Variants in DAPK2 observed in about 807,000 individuals in gnomAD.
DAPK2 encodes death-associated protein kinase 2.
DAPK2 carries 35 observed loss-of-function variants against 44.1 expected under a neutral mutation model. The observed-to-expected ratio is 0.79, with a 90% CI of 0.61 to 1.05. DAPK2 has a LOEUF of 1.05. Among genes scored for constraint, DAPK2 ranks in the 50% least tolerant of loss-of-function variants. The pLI, the probability that DAPK2 is intolerant of heterozygous loss-of-function variation, is 0.00. For synonymous variants in DAPK2, 174 were observed against 182.6 expected (o/e 0.95, Z 0.38); for missense variants, 453 against 483.2 (o/e 0.94, Z 0.59).
chr15:64,034,096 C>T (rs1032700578), intron 1 of DAPK2, among the ~76,000 whole-genome samples: 1 of 152,062 alleles, frequency 6.6e-6, no homozygotes, highest in Non-Finnish European at 1.5e-5. Flanking sequence ...ATAAAAGCCC[C>T]CTTGCTTCAG....
chr15:63,960,261 A>G (rs537787779), intron 3 of DAPK2, among the ~76,000 whole-genome samples: 32 of 151,672 alleles, frequency 2.1e-4, no homozygotes, highest in Non-Finnish European at 4.4e-4. Flanking sequence ...ATTAGCCTTG[A>G]TAGCAGTCTA....
intron 1 of DAPK2, among the ~76,000 whole-genome samples, chr15:64,000,132 G>C (rs2079044424): frequency 6.6e-6 from 1 of 151,492 alleles, no homozygotes; most frequent in Non-Finnish European, 1.5e-5. Flanking sequence ...TCTTTGCTTT[G>C]GATGAAAGGG....
Position 63,923,365 on chromosome 15 carries a change from G to A in DAPK2, c.858+1451C>T. On this transcript the variant is annotated intron_variant, in intron 8 of 10. Coordinates refer to ENST00000261891, the Ensembl canonical transcript of DAPK2. The surrounding 1 kb of genome is among the most constrained non-coding windows in gnomAD (Gnocchi z 4.2). ...TTGACTGGTGGGTGTTCAGACAGAA[G>A]AATCAGAGTGTTAATTTGCCGCCCA... The A allele has an allele frequency of 6.5e-7, 1 of 1,527,526 alleles. No homozygotes were observed. Among genetic ancestry groups the A allele is most frequent in the Non-Finnish European group, 8.8e-7 (1 of 1,140,672 alleles). 94.6% of individuals were successfully genotyped at this position (1,527,526 alleles called of 1,614,324 possible). A position where few individuals can be genotyped will look rare whatever the true frequency, so the allele number is the denominator to read the frequency against.
At chr15:64,015,293 A>G (rs1248624154) in intron 1 of DAPK2, among the ~76,000 whole-genome samples, 1 of 149,440 alleles carries the variant, frequency 6.7e-6, no homozygotes, top group African/African-American at 2.5e-5. Flanking sequence ...TGACGTTCAA[A>G]AGTAGCTAAT....
In DAPK2 at chr15:64,020,381, G is replaced by T. The variant is rs1016963229; in HGVS notation, c.92+19789C>A. Among the ~76,000 whole-genome samples the T allele has an allele frequency of 6.6e-6, 1 of 152,230 alleles. No individual in the cohort carries two copies. Among genetic ancestry groups the T allele is most frequent in the African/African-American group, 2.4e-5 (1 of 41,458 alleles). On this transcript the variant is annotated intron_variant, in intron 1 of 10. Coordinates refer to ENST00000261891, the Ensembl canonical transcript of DAPK2. This position sits in a 1 kb window ranked among gnomAD's most constrained non-coding sequence, Gnocchi z 4.5. ...CATCAGGACTGGAAACTGGGCACTTGCTCTGAAATGGTCAATTTCACAGGG... is the reference window on the plus strand; with the variant it reads ...CATCAGGACTGGAAACTGGGCACTTTCTCTGAAATGGTCAATTTCACAGGG...
At chr15:63,929,518 C>A (rs1567210686) in intron 6 of DAPK2, 33 bp downstream of exon 7, 1 of 1,613,782 alleles carries the variant, frequency 6.2e-7, no homozygotes. Flanking sequence ...CAGATCTAAG[C>A]TGAGCCAGAG....
intron 1 of DAPK2, among the ~76,000 whole-genome samples, chr15:64,035,054 G>C (rs2080139876): frequency 6.6e-6 from 1 of 151,974 alleles, no homozygotes; most frequent in African/African-American, 2.4e-5. Flanking sequence ...TGTAATCCTA[G>C]CTACTCGGGA....
chr15:63,987,201 C>T (rs1282577281), intron 1 of DAPK2, among the ~76,000 whole-genome samples: 2 of 152,160 alleles, frequency 1.3e-5, no homozygotes, highest in Admixed American at 1.3e-4. Flanking sequence ...CCTGAGGTGG[C>T]TCTAGTATGC....
intron 3 of DAPK2, among the ~76,000 whole-genome samples, chr15:63,967,174 A>C (rs1463893556): frequency 2.6e-5 from 4 of 151,564 alleles, no homozygotes; most frequent in Admixed American, 2.6e-4. Context: ...TGCAAGATTC[A>C]GTCTCAAAAA....
At chr15:64,019,097 C>T (rs2079613260) in intron 1 of DAPK2, among the ~76,000 whole-genome samples, 1 of 152,176 alleles carries the variant, frequency 6.6e-6, no homozygotes, top group Non-Finnish European at 1.5e-5. Flanking sequence ...CCCATCCCCA[C>T]CCCAACATTC....
chr15:63,930,853 G>A (rs1162510388), intron 4 of DAPK2, among the ~76,000 whole-genome samples: 2 of 152,134 alleles, frequency 1.3e-5, no homozygotes, highest in East Asian at 3.9e-4. Flanking sequence ...GAGCCCAGGA[G>A]TTGGAGACCA....
intron 2 of DAPK2, among the ~76,000 whole-genome samples, chr15:63,975,674 C>T (rs1336452409): frequency 1.3e-5 from 2 of 151,942 alleles, no homozygotes; most frequent in African/African-American, 4.8e-5. Context: ...TCTCAGCTCA[C>T]TGCAACCTCC....
Position 64,046,197 on chromosome 15 carries a change from C to T in DAPK2, c.-7+101G>A, listed in dbSNP as rs551164899. 1.7e-3 allele frequency: 659 copies of T among 390,908 alleles called. 3 individuals are homozygous for T. Among genetic ancestry groups the T allele is most frequent in the African/African-American group, 0.014 (634 of 46,366 alleles). 24.2% of individuals were successfully genotyped at this position (390,908 alleles called of 1,614,324 possible). On this transcript the variant is annotated intron_variant, in intron 1 of 11. Coordinates refer to the DAPK2 transcript ENST00000457488. This position sits in a 1 kb window ranked among gnomAD's most constrained non-coding sequence, Gnocchi z 5.3. ...CGGGCCCGGGATCTGCGAGCGAGTG[C>T]CCCGGATCTCTTCGCCCCGCCAGCC... is the stretch of plus-strand genomic sequence containing the variant.
At chr15:64,039,018 A>G (rs544683089) in intron 1 of DAPK2, among the ~76,000 whole-genome samples, 1 of 152,314 alleles carries the variant, frequency 6.6e-6, no homozygotes, top group African/African-American at 2.4e-5. Flanking sequence ...GAGCCTTCCC[A>G]TCTTTGCTTA....
chr15:63,974,316 G>C (rs927318684), intron 2 of DAPK2, among the ~76,000 whole-genome samples: 3 of 152,178 alleles, frequency 2.0e-5, no homozygotes, highest in African/African-American at 7.2e-5. Flanking sequence ...GTCCCAGAAG[G>C]TCCTCAGAAC....
chr15:63,958,201 TG>T (rs1330579653), intron 3 of DAPK2, among the ~76,000 whole-genome samples: 1 of 152,136 alleles, frequency 6.6e-6, no homozygotes, highest in Non-Finnish European at 1.5e-5. Context: ...TTGATGGAGT[TG>T]TTTTTTTTTC....
intron 10 of DAPK2, among the ~76,000 whole-genome samples, chr15:63,910,467 G>A (rs574903949): frequency 2.0e-5 from 3 of 152,372 alleles, no homozygotes; most frequent in East Asian, 1.9e-4. Flanking sequence ...CCATAAGCGG[G>A]GGGAGGGGCT....
chr15:63,926,284 T>A (rs2079262776), intron 6 of DAPK2, 191 bp from the exon 8 acceptor site: 1 of 545,496 alleles, frequency 1.8e-6, no homozygotes, highest in Non-Finnish European at 3.2e-6. Flanking sequence ...TTCATGGAGC[T>A]CCTCCTAAGC....
intron 1 of DAPK2, among the ~76,000 whole-genome samples, chr15:64,029,549 C>A (rs530627201): frequency 6.6e-6 from 1 of 152,272 alleles, no homozygotes; most frequent in South Asian, 2.1e-4. Flanking sequence ...TTTTTGGGTC[C>A]CACTATTAGC....
Sources: gnomAD v4.1 joint callset for allele counts (sites outside exome capture counted in the v4.1 genomes callset) on GRCh38, gnomAD v4.1.1 for gene constraint, Gnocchi (gnomAD v3.1) non-coding constraint, MANE v1.5 for transcripts, NCBI Gene and HGNC (gene_info 2026-07-23, HGNC 2026-07-21) for gene names.